YPEL1: variants seen among roughly 807,000 people sequenced by gnomAD.
The protein encoded by YPEL1 is protein yippee-like 1.
A neutral mutation model predicts 17.3 loss-of-function variants in YPEL1; 7 were observed. The observed-to-expected ratio is 0.40, with a 90% CI of 0.23 to 0.76. YPEL1 has a LOEUF of 0.76. Among genes scored for constraint, YPEL1 ranks in the 30% least tolerant of loss-of-function variants. YPEL1 has a pLI of 0.35. For missense variants in YPEL1, 91 were observed against 155.5 expected (o/e 0.59, Z 2.21); for synonymous variants, 59 against 59.6 (o/e 0.99, Z 0.05).
chr22:21,718,905 A>T (rs2068253708), intron 1 of YPEL1, among the ~76,000 whole-genome samples: 1 of 152,158 alleles, frequency 6.6e-6, no homozygotes, highest in African/African-American at 2.4e-5. Flanking sequence ...GATTTCCCCA[A>T]ACCTTAAACT....
At position 21,717,211 on chromosome 22, in the gene YPEL1, A is replaced by G. The variant is rs187182828; in HGVS notation, c.-164-6303T>C. On this transcript the variant is annotated intron_variant, in intron 1 of 4. Transcript: ENST00000339468. Reference sequence around the variant, plus strand: ...GCCAACACGGTGAAACCCCGTCTCTACTAAAAATACAAAAATTAGCCGGGC... The same window carrying G: ...GCCAACACGGTGAAACCCCGTCTCTGCTAAAAATACAAAAATTAGCCGGGC... Among the ~76,000 whole-genome samples the G allele has an allele frequency of 1.4e-4, 22 of 152,176 alleles. 1 individual carries two copies. In the East Asian group the frequency reaches 3.9e-3, roughly 27 times the overall value.
intron 4 of YPEL1, among the ~76,000 whole-genome samples, chr22:21,702,299 C>G (rs2068073917): frequency 6.6e-6 from 1 of 152,074 alleles, no homozygotes; most frequent in African/African-American, 2.4e-5. Flanking sequence ...GAAGTGGGGC[C>G]CACAGATGGG....
At chr22:21,725,941 G>A (rs1169085923) in intron 1 of YPEL1, among the ~76,000 whole-genome samples, 1 of 152,164 alleles carries the variant, frequency 6.6e-6, no homozygotes, top group Non-Finnish European at 1.5e-5. Context: ...CGAGGCTATG[G>A]TGAGCCGTGA....
At chr22:21,725,282 C>T (rs574824028) in intron 1 of YPEL1, among the ~76,000 whole-genome samples, 1 of 149,142 alleles carries the variant, frequency 6.7e-6, no homozygotes, top group Non-Finnish European at 1.5e-5. Flanking sequence ...TGCAGTGGTG[C>T]AATCTCGGCT....
In YPEL1 at chr22:21,700,798, T is replaced by G. The variant is rs1195745076; in HGVS notation, c.*331A>C. 5.2e-6 allele frequency: 1 copy of G among 191,504 alleles called. No individual in the cohort carries two copies. The highest frequency in any genetic ancestry group is 5.7e-5 in the Admixed American group (1 of 17,630). The allele number at this position is 191,504 out of a possible 1,614,324, so 11.9% of individuals were successfully genotyped here. A position where few individuals can be genotyped will look rare whatever the true frequency, so the allele number is the denominator to read the frequency against. On this transcript the variant is annotated 3_prime_UTR_variant, in exon 5 of 5. Coordinates refer to ENST00000339468, the MANE Select transcript of YPEL1 (RefSeq NM_013313.5). ...CCCCAGTTTGGTTTTCAACTGAACC[T>G]TAAAAAAGCAGAGCCCAACTATATT...
intron 1 of YPEL1, among the ~76,000 whole-genome samples, chr22:21,726,423 C>G (rs1569065798): frequency 6.6e-6 from 1 of 152,186 alleles, no homozygotes; most frequent in Non-Finnish European, 1.5e-5. Flanking sequence ...AAATAGGCAT[C>G]CCTGCCCGCT....
chr22:21,728,079 C>T (rs1196850018), intron 1 of YPEL1, among the ~76,000 whole-genome samples: 2 of 152,084 alleles, frequency 1.3e-5, no homozygotes, highest in Admixed American at 6.6e-5. Flanking sequence ...CTCATGTGGC[C>T]CCGCCATGTT....
intron 1 of YPEL1, among the ~76,000 whole-genome samples, chr22:21,717,895 G>C (rs1413012668): frequency 1.3e-5 from 2 of 152,174 alleles, no homozygotes; most frequent in Non-Finnish European, 2.9e-5. Flanking sequence ...GGGAGGCCAA[G>C]GCAGGAGGAT....
chr22:21,710,764 C>T lies in YPEL1; in HGVS notation c.-20G>A, dbSNP rs1418912812. 5 of 1,603,860 alleles carry T rather than the reference C, an allele frequency of 3.1e-6. No individual in the cohort carries two copies. The highest frequency in any genetic ancestry group is 3.4e-6 in the Non-Finnish European group (4 of 1,170,762). ...CACCATCTCTCCTGGGCACTCCTCA[C>T]TCAGCTCAGGGCTGGTTCTGGAAGA... On this transcript the variant is annotated 5_prime_UTR_variant, in exon 2 of 5. The change creates a new upstream start codon in the 5' untranslated region. Coordinates refer to ENST00000339468, the MANE Select transcript of YPEL1 (RefSeq NM_013313.5).
intron 1 of YPEL1, among the ~76,000 whole-genome samples, chr22:21,728,297 C>T (rs2068354976): frequency 1.3e-5 from 2 of 152,136 alleles, no homozygotes; most frequent in Non-Finnish European, 2.9e-5. Context: ...CTCTCCCACC[C>T]CTCACTGGCA....
intron 2 of YPEL1, among the ~76,000 whole-genome samples, chr22:21,709,363 ACT>A (rs1199118255): frequency 6.6e-6 from 1 of 152,164 alleles, no homozygotes; most frequent in African/African-American, 2.4e-5. Context: ...GAGAGCAGAA[ACT>A]CTGCCTCGTT....
At chr22:21,725,451 G>A (rs1388800030) in intron 1 of YPEL1, among the ~76,000 whole-genome samples, 1 of 151,264 alleles carries the variant, frequency 6.6e-6, no homozygotes, top group African/African-American at 2.4e-5. Context: ...GGCTGGTCTC[G>A]ATCTCCTGAC....
At chr22:21,713,491 T>C (rs984513428) in intron 1 of YPEL1, among the ~76,000 whole-genome samples, 1 of 152,206 alleles carries the variant, frequency 6.6e-6, no homozygotes, top group East Asian at 1.9e-4. Context: ...GAGGACACTA[T>C]GCTCAGTGAA....
intron 2 of YPEL1, among the ~76,000 whole-genome samples, chr22:21,705,170 G>A (rs1299055955): frequency 6.6e-6 from 1 of 152,138 alleles, no homozygotes; most frequent in East Asian, 1.9e-4. Flanking sequence ...TTAGAGATAG[G>A]GTTTCGCCAT....
intron 4 of YPEL1, among the ~76,000 whole-genome samples, chr22:21,701,718 C>T (rs1181169443): frequency 6.6e-6 from 1 of 152,186 alleles, no homozygotes; most frequent in Non-Finnish European, 1.5e-5. Flanking sequence ...GAATTCCGTG[C>T]ATAACTAGCG....
intron 4 of YPEL1, among the ~76,000 whole-genome samples, chr22:21,701,713 C>T (rs1239221764): frequency 2.0e-5 from 3 of 152,182 alleles, no homozygotes; most frequent in Non-Finnish European, 4.4e-5. Context: ...TCCAGGAATT[C>T]CGTGCATAAC....
At chr22:21,732,922 G>A (rs2068402396) in intron 1 of YPEL1, among the ~76,000 whole-genome samples, 1 of 152,076 alleles carries the variant, frequency 6.6e-6, no homozygotes, top group Admixed American at 6.6e-5. Flanking sequence ...GCAACACAGT[G>A]AGAACCCCAA....
chr22:21,712,480 A>ATTATGG (rs2068178339), intron 1 of YPEL1, among the ~76,000 whole-genome samples: 1 of 137,320 alleles, frequency 7.3e-6, no homozygotes, highest in Non-Finnish European at 1.7e-5. Context: ...TAATCCCAGC[A>ATTATGG]TTATGGGAGG....
Position 21,713,111 on chromosome 22 carries a change from A to G in YPEL1, c.-164-2203T>C, listed in dbSNP as rs181310212. 7.6e-4 allele frequency among the ~76,000 whole-genome samples: 116 copies of G among 152,332 alleles called. 1 individual carries two copies. Among genetic ancestry groups the G allele is most frequent in the Non-Finnish European group, 1.5e-3 (104 of 68,036 alleles). On this transcript the variant is annotated intron_variant, in intron 1 of 4. Transcript: ENST00000339468. ...CTACTATCAACGCGCACACACGGAA[A>G]ATAAGCGTTGGTGAGGATGTGGAGG...
Sources: allele counts gnomAD v4.1 joint callset (sites outside exome capture counted in the v4.1 genomes callset), GRCh38; gene constraint gnomAD v4.1.1; transcripts MANE v1.5; gene names NCBI Gene and HGNC (gene_info 2026-07-23, HGNC 2026-07-21).